EXOC7: variants seen among roughly 807,000 people sequenced by gnomAD.
EXOC7 encodes the protein exocyst complex component Exo70.
In EXOC7, 51 loss-of-function variants were observed where a neutral mutation model predicts 87.6. That is an observed-to-expected ratio of 0.58 (90% CI 0.46 to 0.73). The LOEUF (loss-of-function observed/expected upper bound fraction) is 0.73. Among genes scored for constraint, EXOC7 ranks in the 30% least tolerant of loss-of-function variants. The pLI is 0.00. For missense variants in EXOC7, 744 were observed against 888.4 expected (o/e 0.84, Z 2.07); for synonymous variants, 327 against 357.1 (o/e 0.92, Z 0.95).
intron 18 of EXOC7, 126 bp downstream of exon 18, chr17:76,083,880 G>A: frequency 6.7e-7 from 1 of 1,483,434 alleles, no homozygotes; most frequent in South Asian, 1.3e-5. Context: ...CCGCCCCAAA[G>A]CCCAGGTCGC....
At chr17:76,090,278 G>T (rs1348796840) in intron 7 of EXOC7, 3 of 1,534,234 alleles carry the variant, frequency 2.0e-6, no homozygotes, top group East Asian at 2.5e-5. Context: ...TCCGGGGACC[G>T]CTGCGAAGGC....
chr17:76,094,544 C>T lies in EXOC7; in HGVS notation c.678G>A (p.Gln226=), dbSNP rs2067655446. 6.2e-7 allele frequency: 1 copy of T among 1,613,830 alleles called. No homozygotes were observed. Among genetic ancestry groups the T allele is most frequent in the Non-Finnish European group, 8.5e-7 (1 of 1,180,002 alleles). The change falls in exon 6 of 19, where the codon CAG becomes CAA. Residue 226 remains glutamine (Q), a synonymous_variant. Transcript: ENST00000589210. ...MNVYYQIRSS[Q]LDRSIKGLKE... is the part of the protein sequence containing the mutation. ...TCAGTCCTTTGATGGAGCGGTCCAG[C>T]TGGCTGGAGCGTATCTGGTAGTAGA...
In EXOC7 at chr17:76,081,208, T is replaced by C. The variant is rs1035233277; in HGVS notation, c.*2440A>G. The C allele has an allele frequency of 1.3e-6, 2 of 1,594,406 alleles. No homozygotes were observed. The highest frequency in any genetic ancestry group is 2.7e-5 in the African/African-American group (2 of 74,504). ...AGTCTCCATCACCCCTGGGCTCCAG[T>C]CTGCTACCCCCAGACTTGGCAGCTG... On this transcript the variant is annotated 3_prime_UTR_variant, in exon 19 of 19. Coordinates refer to ENST00000589210, the MANE Select transcript of EXOC7 (RefSeq NM_001013839.4).
Position 76,081,805 on chromosome 17 carries a change from A to C in EXOC7, c.*1843T>G. On this transcript the variant is annotated 3_prime_UTR_variant, in exon 19 of 19. Coordinates refer to ENST00000589210, the MANE Select transcript of EXOC7 (RefSeq NM_001013839.4). ...CTGCCCTGTTTCTCCCCGGTCACCCACTGGTGCTCAGCTCGCTGGGCACCA... is the reference window on the plus strand; with the variant it reads ...CTGCCCTGTTTCTCCCCGGTCACCCCCTGGTGCTCAGCTCGCTGGGCACCA... 1 of 1,612,298 alleles carries C rather than the reference A, an allele frequency of 6.2e-7. No individual in the cohort carries two copies. Among genetic ancestry groups the C allele is most frequent in the Non-Finnish European group, 8.5e-7 (1 of 1,178,798 alleles).
At chr17:76,095,159 A>G (rs111980573) in intron 5 of EXOC7, among the ~76,000 whole-genome samples, 245 of 151,146 alleles carry the variant, frequency 1.6e-3, no homozygotes, top group Non-Finnish European at 2.8e-3. Flanking sequence ...ATGGGGTTTC[A>G]CCATGTTGGC....
At chr17:76,091,544 C>T in intron 6 of EXOC7, 1 of 330,090 alleles carries the variant, frequency 3.0e-6, no homozygotes, top group Non-Finnish European at 5.7e-6. Context: ...GGAGTGGCAT[C>T]ATAATCAGAA....
intron 4 of EXOC7, among the ~76,000 whole-genome samples, chr17:76,099,880 A>C (rs2067972243): frequency 6.6e-6 from 1 of 152,184 alleles, no homozygotes; most frequent in South Asian, 2.1e-4. Context: ...AGGTGGGAGG[A>C]TCACCTGAGG....
rs769993386 is a variant in EXOC7 at position 76,081,724 on chromosome 17, G to A, written c.*1924C>T. 2.7e-5 allele frequency: 43 copies of A among 1,613,922 alleles called. No individual in the cohort carries two copies. In the Admixed American group the frequency reaches 7.0e-4, roughly 26 times the overall value. ...TCCACTCCTCCCTGGTGCAGGCCCT[G>A]CCCAGCTCCTCCTCCTGCAACCCAC... On this transcript the variant is annotated 3_prime_UTR_variant, in exon 19 of 19. Transcript: ENST00000589210.
intron 5 of EXOC7, among the ~76,000 whole-genome samples, chr17:76,096,706 G>C (rs575632228): frequency 6.6e-6 from 1 of 151,888 alleles, no homozygotes; most frequent in Non-Finnish European, 1.5e-5. Context: ...ACAGGCATGC[G>C]CCACCACGCC....
chr17:76,101,623 C>T (rs2068066001), intron 3 of EXOC7, 56 bp downstream of exon 3: 1 of 1,546,308 alleles, frequency 6.5e-7, no homozygotes, highest in Admixed American at 1.9e-5. Flanking sequence ...ACAGACCAAC[C>T]CTCCTGTTGG....
rs777491976 is a variant in EXOC7, at chr17:76,081,691, C to T, written c.*1957G>A. ...ACAAGGTGACATTGCTGCTGAGTTA[C>T]CTCGTCCTCCACTCCTCCCTGGTGC... On this transcript the variant is annotated 3_prime_UTR_variant, in exon 19 of 19. Transcript: ENST00000589210. 4.3e-6 allele frequency: 7 copies of T among 1,614,024 alleles called. No individual in the cohort carries two copies. The highest frequency in any genetic ancestry group is 5.9e-6 in the Non-Finnish European group (7 of 1,180,040).
intron 6 of EXOC7, among the ~76,000 whole-genome samples, chr17:76,091,907 G>T (rs1598320702): frequency 6.6e-6 from 1 of 152,334 alleles, no homozygotes; most frequent in East Asian, 1.9e-4. Context: ...CGCCTGGAGG[G>T]TGTGCACGGA....
Position 76,097,877 on chromosome 17 carries a change from TCACGTCCTC to T in EXOC7, c.550_558del (p.Glu184_Val186del). ...ACGCTCTCGGGCAGGTGCTCCAGGG[TCACGTCCTC>T]CTGGGCCTCCAGATCATCGTCACCA... On this transcript the variant is annotated inframe_deletion, in exon 5 of 19. Coordinates refer to ENST00000589210, the MANE Select transcript of EXOC7 (RefSeq NM_001013839.4). 1 of 1,613,880 alleles carries T rather than the reference TCACGTCCTC, an allele frequency of 6.2e-7. No homozygotes were observed. Among genetic ancestry groups the T allele is most frequent in the Non-Finnish European group, 8.5e-7 (1 of 1,179,986 alleles).
At chr17:76,089,833 A>G (rs1406311580) in intron 7 of EXOC7, 1 of 173,986 alleles carries the variant, frequency 5.7e-6, no homozygotes, top group South Asian at 1.4e-4. Flanking sequence ...GCAGCTTCTG[A>G]GGCTGGCTGG....
At position 76,081,247 on chromosome 17, in the gene EXOC7, C is replaced by T; in HGVS notation, c.*2401G>A. 1 of 1,611,770 alleles carries T rather than the reference C, an allele frequency of 6.2e-7. No individual in the cohort carries two copies. On this transcript the variant is annotated 3_prime_UTR_variant, in exon 19 of 19. Transcript: ENST00000589210. ...ACTTGGCAGCTGGGATCTCTCCTTCCTGGTTCATAGTTCTCATTCCCACCC... is the reference window on the plus strand; with the variant it reads ...ACTTGGCAGCTGGGATCTCTCCTTCTTGGTTCATAGTTCTCATTCCCACCC...
At chr17:76,099,874 G>C (rs1323856234) in intron 4 of EXOC7, among the ~76,000 whole-genome samples, 28 of 152,124 alleles carry the variant, frequency 1.8e-4, no homozygotes. Context: ...AGGCCAAGGT[G>C]GGAGGATCAC....
intron 12 of EXOC7, chr17:76,087,375 C>T: frequency 2.0e-6 from 1 of 506,498 alleles, no homozygotes; most frequent in Non-Finnish European, 3.5e-6. Context: ...AGAAAGGACA[C>T]CTTCCAACCA....
rs768172959 is a variant in EXOC7 at position 76,088,081 on chromosome 17, G to A, written c.1341C>T (p.Thr447=). 3.2e-5 allele frequency: 52 copies of A among 1,613,868 alleles called. No individual in the cohort carries two copies. Among genetic ancestry groups the A allele is most frequent in the Non-Finnish European group, 4.0e-5 (47 of 1,179,974 alleles). ...CCACATTGCTGGTGAGCTCGTGTAC[G>A]GTGCCGTCCTTCGGCATGTTGTACT... ...DKEYNMPKDG[T]VHELTSNAIL... is the part of the protein sequence containing the mutation. Residue 447 remains threonine, a synonymous_variant, in exon 11 of 19, where the codon ACC becomes ACT. Coordinates refer to ENST00000589210, the MANE Select transcript of EXOC7 (RefSeq NM_001013839.4).
chr17:76,101,493 TC>T (rs1359504255), intron 3 of EXOC7, 117 bp from the exon 4 acceptor site: 1 of 1,442,928 alleles, frequency 6.9e-7, no homozygotes, highest in Non-Finnish European at 9.3e-7. Context: ...ATATATTCTA[TC>T]CCCCCACTGC....
Sources: gnomAD v4.1 joint callset for allele counts (sites outside exome capture counted in the v4.1 genomes callset) on GRCh38, gnomAD v4.1.1 for gene constraint, MANE v1.5 for transcripts, NCBI Gene and HGNC (gene_info 2026-07-23, HGNC 2026-07-21) for gene names.